Variants in SHQ1 observed in about 807,000 individuals in gnomAD.
SHQ1 encodes the protein protein SHQ1 homolog.
Under a neutral mutation model 53.8 loss-of-function variants are expected in SHQ1, and 49 were observed. The ratio of observed to expected loss-of-function variants is 0.91; its 90% confidence interval spans 0.72 to 1.16. The LOEUF is 1.16. Among genes scored for constraint, SHQ1 ranks in the 50% most tolerant of loss-of-function variants. SHQ1 has a pLI of 0.00. For synonymous variants in SHQ1, 243 were observed against 251.0 expected (o/e 0.97, Z 0.30); for missense variants, 738 against 683.1 (o/e 1.08, Z -0.90).
intron 10 of SHQ1, among the ~76,000 whole-genome samples, chr3:72,769,586 C>T: frequency 6.6e-6 from 1 of 152,178 alleles, no homozygotes; most frequent in South Asian, 2.1e-4. Flanking sequence ...GGTCAGATCC[C>T]ACCCATCTTT....
intron 9 of SHQ1, chr3:72,809,668 T>C (rs1707059591): frequency 6.6e-6 from 1 of 152,160 alleles, no homozygotes; most frequent in South Asian, 2.1e-4. Flanking sequence ...TGAATAACTC[T>C]TCTGAGTGGG....
the SHQ1 span, among the ~76,000 whole-genome samples, chr3:72,738,889 C>A: frequency 3.3e-5 from 5 of 152,186 alleles, no homozygotes; most frequent in East Asian, 9.7e-4. Flanking sequence ...CGCAGTGGCC[C>A]CACCCCGCCC....
rs1417500009 is a variant in SHQ1, at chr3:72,812,807, A to G, written c.937-13T>C. The G allele has an allele frequency of 6.2e-7, 1 of 1,613,526 alleles. No homozygotes were observed. The highest frequency in any genetic ancestry group is 1.1e-5 in the South Asian group (1 of 90,906). Reference sequence around the variant, plus strand: ...CGTTAGTCCAAGTCTGTGAAGTGTCATTTTAATAAGCAGTCATTTCCACAA... The same window carrying G: ...CGTTAGTCCAAGTCTGTGAAGTGTCGTTTTAATAAGCAGTCATTTCCACAA... On this transcript the variant is annotated splice_polypyrimidine_tract_variant and intron_variant, in intron 8 of 10. Coordinates refer to ENST00000325599, the MANE Select transcript of SHQ1 (RefSeq NM_018130.3).
chr3:72,777,162 G>A (rs377482142), intron 10 of SHQ1, among the ~76,000 whole-genome samples: 11 of 152,144 alleles, frequency 7.2e-5, no homozygotes, highest in Admixed American at 1.3e-4. Flanking sequence ...TTTCTTAAAC[G>A]AGAACCAAAA....
At chr3:72,748,872 T>C (rs933083353), downstream of SHQ1, among the ~76,000 whole-genome samples, 1 of 151,940 alleles carries the variant, frequency 6.6e-6, no homozygotes, top group African/African-American at 2.4e-5. Context: ...CGAGGATTGC[T>C]TGAACCTGGG....
intron 6 of SHQ1, among the ~76,000 whole-genome samples, chr3:72,823,653 G>A (rs1182143010): frequency 6.6e-6 from 1 of 152,070 alleles, no homozygotes; most frequent in Admixed American, 6.5e-5. Flanking sequence ...TTGAAAACAA[G>A]GTACAAACCG....
At position 72,842,343 on chromosome 3, in the gene SHQ1, T is replaced by C. The variant is rs761065004; in HGVS notation, c.268A>G (p.Met90Val). ...TPGQHFEGLN[M>V]LTALLAPRKS... ...CTTGGTGCCAGAAGAGCAGTTAACA[T>C]GTTCAGCCCCTCAAAATGCTGGCCA... Residue 90 changes from methionine to valine, a missense_variant, in exon 3 of 11, where the codon ATG becomes GTG. Met to Val is a conservative substitution (Grantham distance 21). Transcript: ENST00000325599. 1.2e-6 allele frequency: 2 copies of C among 1,614,020 alleles called. No homozygotes were observed. The highest frequency in any genetic ancestry group is 2.2e-5 in the South Asian group (2 of 91,086).
chr3:72,844,888 T>A (rs1174805095), intron 1 of SHQ1, among the ~76,000 whole-genome samples: 1 of 152,140 alleles, frequency 6.6e-6, no homozygotes, highest in East Asian at 1.9e-4. Flanking sequence ...CATAAAACTA[T>A]CTTCTGGCTA....
At chr3:72,783,995 T>C (rs1706147781) in intron 10 of SHQ1, among the ~76,000 whole-genome samples, 2 of 152,114 alleles carry the variant, frequency 1.3e-5, no homozygotes, top group African/African-American at 4.8e-5. Flanking sequence ...ATAACATCAA[T>C]ATTCGTTCAT....
rs755929095 is a variant in SHQ1 at position 72,832,474 on chromosome 3, A to C, written c.494T>G (p.Leu165Arg). 8.7e-6 allele frequency: 14 copies of C among 1,605,994 alleles called. No homozygotes were observed. The highest frequency in any genetic ancestry group is 1.1e-5 in the Non-Finnish European group (13 of 1,176,292). The change falls in exon 5 of 11, where the codon CTG becomes CGG. Residue 165 changes from leucine to arginine, a missense_variant. Coordinates refer to ENST00000325599, the MANE Select transcript of SHQ1 (RefSeq NM_018130.3). ...ATCCTTAATATCAATAACATCACTC[A>C]GTTCATCCTGAGGACACCCAGAAAA... ...SGVLQRLQDELSDVIDIKDPD... is the reference protein window; with the variant it reads ...SGVLQRLQDERSDVIDIKDPD...
chr3:72,726,713 G>A, the SHQ1 span, among the ~76,000 whole-genome samples: 1 of 152,140 alleles, frequency 6.6e-6, no homozygotes, highest in Non-Finnish European at 1.5e-5. Flanking sequence ...AGCTCAGGGC[G>A]AAGCTCATCT....
At chr3:72,753,239 A>C in intron 10 of SHQ1, 2 of 985,466 alleles carry the variant, frequency 2.0e-6, no homozygotes, top group Non-Finnish European at 2.4e-6. Context: ...CATACAAAAC[A>C]TTGAGTGGCT....
chr3:72,818,847 A>G (rs1707391561), intron 6 of SHQ1, among the ~76,000 whole-genome samples: 1 of 152,166 alleles, frequency 6.6e-6, no homozygotes, highest in Admixed American at 6.5e-5. Context: ...GGCCTCTAAG[A>G]TCTAAGAGTG....
chr3:72,764,320 T>C (rs1441393002), intron 10 of SHQ1, among the ~76,000 whole-genome samples: 1 of 152,114 alleles, frequency 6.6e-6, no homozygotes, highest in Non-Finnish European at 1.5e-5. Flanking sequence ...AGTGCTAGAT[T>C]ATTTGCATGA....
At chr3:72,792,318 A>C (rs1428544747) in intron 10 of SHQ1, among the ~76,000 whole-genome samples, 2 of 152,236 alleles carry the variant, frequency 1.3e-5, no homozygotes, top group Non-Finnish European at 2.9e-5. Flanking sequence ...AAGGCAATCA[A>C]TATCACAACT....
intron 5 of SHQ1, among the ~76,000 whole-genome samples, chr3:72,829,111 G>T (rs751993092): frequency 6.6e-6 from 1 of 151,852 alleles, no homozygotes; most frequent in Non-Finnish European, 1.5e-5. Flanking sequence ...TGTGGGATAA[G>T]AAAGAAGGCA....
At chr3:72,758,939 T>A (rs1049228854) in intron 10 of SHQ1, among the ~76,000 whole-genome samples, 1 of 152,216 alleles carries the variant, frequency 6.6e-6, no homozygotes, top group African/African-American at 2.4e-5. Context: ...ATCCCTTCCA[T>A]GCCCTTCTCT....
chr3:72,783,359 T>C lies in SHQ1; in HGVS notation c.1181+9557A>G, dbSNP rs559864042. Among the ~76,000 whole-genome samples the C allele has an allele frequency of 2.2e-3, 329 of 146,884 alleles. 2 individuals carry two copies. The highest frequency in any genetic ancestry group is 3.4e-3 in the Middle Eastern group (1 of 292). ...AAAGGCCTTGCCCAATTTATTTTTA[T>C]ACACTTTTTTTTTTTTTTTTTTTGA... On this transcript the variant is annotated intron_variant, in intron 10 of 10. Coordinates refer to ENST00000325599, the MANE Select transcript of SHQ1 (RefSeq NM_018130.3).
At chr3:72,752,889 TC>T (rs1201077590) in intron 10 of SHQ1, 1 of 652,142 alleles carries the variant, frequency 1.5e-6, no homozygotes, top group Admixed American at 6.3e-5. Flanking sequence ...GGTCTTGATC[TC>T]CTGACCTCGT....
Sources: gnomAD v4.1 joint callset for allele counts (sites outside exome capture counted in the v4.1 genomes callset) on GRCh38, gnomAD v4.1.1 for gene constraint, MANE v1.5 for transcripts, NCBI Gene and HGNC (gene_info 2026-07-23, HGNC 2026-07-21) for gene names.